The following STXBP4 variants were observed in gnomAD, a reference collection of about 807,000 sequenced individuals.
STXBP4 encodes syntaxin-binding protein 4.
A neutral mutation model predicts 76.1 loss-of-function variants in STXBP4; 55 were observed. The observed-to-expected ratio is 0.72, with a 90% CI of 0.58 to 0.91. STXBP4 has a LOEUF of 0.91. Ranked by LOEUF, STXBP4 falls within the 40% of genes least tolerant of loss-of-function variation. STXBP4 has a pLI of 0.00. For missense variants in STXBP4, 618 were observed against 636.9 expected (o/e 0.97, Z 0.32); for synonymous variants, 201 against 220.2 (o/e 0.91, Z 0.77).
At chr17:55,031,848 T>G (rs530935209) in intron 9 of STXBP4, among the ~76,000 whole-genome samples, 177 of 152,326 alleles carry the variant, frequency 1.2e-3, no homozygotes, top group African/African-American at 3.8e-3. Flanking sequence ...AAAAACTTGA[T>G]GTATAAGTGA....
chr17:55,156,458 G>T (rs2080278272), intron 17 of STXBP4, among the ~76,000 whole-genome samples: 1 of 152,134 alleles, frequency 6.6e-6, no homozygotes, highest in Non-Finnish European at 1.5e-5. Context: ...CAGCATCATA[G>T]GAAGAATTCC....
rs900270499 is a variant in STXBP4, at chr17:55,160,898, G to A, written c.*987G>A. 9 of 152,410 alleles carry A rather than the reference G, an allele frequency of 5.9e-5. No individual in the cohort carries two copies. The highest frequency in any genetic ancestry group is 2.2e-4 in the African/African-American group (9 of 41,588). 9.4% of individuals were successfully genotyped at this position (152,410 alleles called of 1,614,324 possible). ...CGTGTTTTTCTAAAGTGAAAGGCAT[G>A]GTTTGTCCTGCTTAGGTTGCCCTTC... is the stretch of plus-strand genomic sequence containing the variant. On this transcript the variant is annotated 3_prime_UTR_variant, in exon 18 of 18. Coordinates refer to ENST00000376352, the MANE Select transcript of STXBP4 (RefSeq NM_178509.6).
chr17:55,180,875 A>T, the STXBP4 span, among the ~76,000 whole-genome samples: 6,136 of 152,308 alleles, frequency 0.04, 352 homozygotes, highest in African/African-American at 0.14. Flanking sequence ...GGTGGATAGC[A>T]CCTGCTCTGT....
the STXBP4 span, among the ~76,000 whole-genome samples, chr17:55,206,103 A>G: frequency 0.57 from 86,202 of 151,996 alleles, 25,605 homozygotes; most frequent in Non-Finnish European, 0.65. Context: ...TAAAAATTTT[A>G]TAGTATGATG....
At chr17:55,195,826 AC>A in the STXBP4 span, among the ~76,000 whole-genome samples, 1 of 152,010 alleles carries the variant, frequency 6.6e-6, no homozygotes, top group African/African-American at 2.4e-5. Flanking sequence ...GTGGTTCTCA[AC>A]CAGCAGAGAT....
the STXBP4 span, among the ~76,000 whole-genome samples, chr17:55,208,920 GAA>G: frequency 1.0e-3 from 140 of 140,578 alleles, no homozygotes; most frequent in African/African-American, 3.4e-3. Flanking sequence ...TGTCTCTACA[GAA>G]AAAAAAAAAA....
chr17:55,081,773 A>AC (rs1259013976), intron 16 of STXBP4, among the ~76,000 whole-genome samples: 4 of 152,062 alleles, frequency 2.6e-5, no homozygotes, highest in Admixed American at 2.6e-4. Flanking sequence ...CCAGGAAAAT[A>AC]CCTCTCTAAA....
intron 3 of STXBP4, among the ~76,000 whole-genome samples, chr17:54,989,889 T>C (rs2077687688): frequency 6.6e-6 from 1 of 152,244 alleles, no homozygotes; most frequent in African/African-American, 2.4e-5. Context: ...ATATTCTTTC[T>C]AAATTAAAAA....
chr17:55,040,125 A>G (rs567471775), intron 10 of STXBP4, among the ~76,000 whole-genome samples: 55 of 152,286 alleles, frequency 3.6e-4, no homozygotes, highest in African/African-American at 1.3e-3. Context: ...GGTAGGTGAG[A>G]TATTAGAATA....
At chr17:55,154,481 A>C (rs2080255058) in intron 17 of STXBP4, among the ~76,000 whole-genome samples, 1 of 152,194 alleles carries the variant, frequency 6.6e-6, no homozygotes, top group Non-Finnish European at 1.5e-5. Context: ...TTAGTATCTG[A>C]TAATTCAGTG....
chr17:55,038,403 A>G (rs1455902447), intron 10 of STXBP4, among the ~76,000 whole-genome samples: 1 of 152,096 alleles, frequency 6.6e-6, no homozygotes, highest in Non-Finnish European at 1.5e-5. Flanking sequence ...ATTATAGAAT[A>G]TGTACTCTTT....
At chr17:54,979,325 A>T (rs918340511) in intron 1 of STXBP4, among the ~76,000 whole-genome samples, 2 of 152,104 alleles carry the variant, frequency 1.3e-5, no homozygotes, top group African/African-American at 2.4e-5. Context: ...GATACTTCTG[A>T]CCCCAGCCAC....
intron 16 of STXBP4, among the ~76,000 whole-genome samples, chr17:55,091,575 C>T (rs1040832352): frequency 6.6e-6 from 1 of 151,982 alleles, no homozygotes; most frequent in Admixed American, 6.6e-5. Flanking sequence ...GTTTATTCAG[C>T]GTCCCCAAGA....
At chr17:55,058,270 A>G (rs1387427921) in intron 12 of STXBP4, among the ~76,000 whole-genome samples, 1 of 152,048 alleles carries the variant, frequency 6.6e-6, no homozygotes, top group Non-Finnish European at 1.5e-5. Flanking sequence ...ATGGTATCTC[A>G]TTGTGGTTTT....
chr17:54,997,130 C>G (rs1403312939), intron 4 of STXBP4, among the ~76,000 whole-genome samples: 1 of 152,162 alleles, frequency 6.6e-6, no homozygotes, highest in Non-Finnish European at 1.5e-5. Context: ...ATTAATCCAT[C>G]TGGGGCAGAA....
chr17:54,974,798 C>G (rs2144280569), intron 1 of STXBP4, among the ~76,000 whole-genome samples: 1 of 152,074 alleles, frequency 6.6e-6, no homozygotes, highest in South Asian at 2.1e-4. Flanking sequence ...GGGGCTACCC[C>G]ATAGGCACTC....
intron 12 of STXBP4, among the ~76,000 whole-genome samples, chr17:55,062,087 CTTTTTTT>C (rs548684659): frequency 2.8e-5 from 4 of 144,060 alleles, no homozygotes; most frequent in Non-Finnish European, 4.6e-5. Flanking sequence ...TCTTAAAAGG[CTTTTTTT>C]TTTTTAAATA....
chr17:54,980,752 T>C (rs1333318450), intron 1 of STXBP4, among the ~76,000 whole-genome samples: 3 of 152,206 alleles, frequency 2.0e-5, no homozygotes, highest in Non-Finnish European at 4.4e-5. Context: ...CCAATCAGCC[T>C]TAGGCTCCCT....
chr17:55,055,748 A>G (rs1375983728), intron 12 of STXBP4, among the ~76,000 whole-genome samples: 1 of 151,674 alleles, frequency 6.6e-6, no homozygotes, highest in Non-Finnish European at 1.5e-5. Context: ...CCACCCCTTT[A>G]CTCATTCTCC....
Sources: gnomAD v4.1 joint callset for allele counts (sites outside exome capture counted in the v4.1 genomes callset) on GRCh38, gnomAD v4.1.1 for gene constraint, MANE v1.5 for transcripts, NCBI Gene and HGNC (gene_info 2026-07-23, HGNC 2026-07-21) for gene names.